The following ZNF385B variants were observed in gnomAD, a reference collection of about 807,000 sequenced individuals.
ZNF385B encodes zinc finger protein 385B.
ZNF385B carries 23 observed loss-of-function variants against 39.2 expected under a neutral mutation model. The ratio of observed to expected loss-of-function variants is 0.59; its 90% CI spans 0.42 to 0.83. The LOEUF (loss-of-function observed/expected upper bound fraction) is 0.83, where lower values mean the gene tolerates loss of function less well. Ranked by LOEUF, ZNF385B falls within the 40% of genes least tolerant of loss-of-function variation. ZNF385B has a pLI of 0.00. For missense variants in ZNF385B, 552 were observed against 598.9 expected (o/e 0.92, Z 0.82); for synonymous variants, 205 against 222.6 (o/e 0.92, Z 0.70).
chr2:179,856,877 T>C (rs1684648187), intron 1 of ZNF385B, among the ~76,000 whole-genome samples: 1 of 152,040 alleles, frequency 6.6e-6, no homozygotes, highest in African/African-American at 2.4e-5. Flanking sequence ...AAATAGAAAA[T>C]AATATTGAAG....
intron 4 of ZNF385B, among the ~76,000 whole-genome samples, chr2:179,537,069 G>A (rs1307560861): frequency 6.6e-6 from 1 of 151,700 alleles, no homozygotes; most frequent in Non-Finnish European, 1.5e-5. Context: ...CTAGCACTTT[G>A]GGAGGCTGAG....
At chr2:179,752,258 G>A (rs935829927) in intron 3 of ZNF385B, among the ~76,000 whole-genome samples, 8 of 152,102 alleles carry the variant, frequency 5.3e-5, no homozygotes, top group Non-Finnish European at 1.2e-4. Flanking sequence ...TTCAAAGGAC[G>A]TGAACTCATC....
intron 1 of ZNF385B, among the ~76,000 whole-genome samples, chr2:179,792,375 C>CTTTTTTTTTTTTTTTTTTTT (rs374147864): frequency 1.6e-5 from 2 of 124,122 alleles, no homozygotes; most frequent in African/African-American, 3.1e-5. Flanking sequence ...ATTTTCTTTT[C>CTTTTTTTTTTTTTTTTTTTT]TTTTTTTTTT....
chr2:179,766,937 C>T (rs931341477), intron 3 of ZNF385B, among the ~76,000 whole-genome samples: 3 of 151,244 alleles, frequency 2.0e-5, no homozygotes, highest in Non-Finnish European at 4.4e-5. Flanking sequence ...GAAAGAAAAG[C>T]CCCCCGCAGT....
At chr2:179,794,851 G>A (rs983148558) in intron 1 of ZNF385B, among the ~76,000 whole-genome samples, 1 of 152,088 alleles carries the variant, frequency 6.6e-6, no homozygotes, top group African/African-American at 2.4e-5. Flanking sequence ...GAAGAAATTG[G>A]TCCTTAAACA....
chr2:179,485,289 C>A (rs1406610173), intron 5 of ZNF385B, among the ~76,000 whole-genome samples: 1 of 152,136 alleles, frequency 6.6e-6, no homozygotes, highest in Non-Finnish European at 1.5e-5. Context: ...CCTCCTTCTG[C>A]CCTTTGCTTA....
At chr2:179,825,780 C>T (rs956219419) in intron 1 of ZNF385B, among the ~76,000 whole-genome samples, 7 of 152,092 alleles carry the variant, frequency 4.6e-5, no homozygotes, top group Non-Finnish European at 7.4e-5. Context: ...TGAAATAGGA[C>T]GCCATTTTCA....
chr2:179,750,699 C>T (rs898105117), intron 3 of ZNF385B, among the ~76,000 whole-genome samples: 20 of 151,996 alleles, frequency 1.3e-4, no homozygotes, highest in Non-Finnish European at 2.2e-4. Context: ...TTCTATGAAA[C>T]GAGTTTTCTG....
chr2:179,742,206 C>A (rs1380028639), intron 3 of ZNF385B, among the ~76,000 whole-genome samples: 1 of 151,972 alleles, frequency 6.6e-6, no homozygotes, highest in African/African-American at 2.4e-5. Context: ...TATTTCTTGA[C>A]ACCATTTTAA....
At chr2:179,850,834 C>A (rs1284933334) in intron 1 of ZNF385B, among the ~76,000 whole-genome samples, 1 of 152,132 alleles carries the variant, frequency 6.6e-6, no homozygotes, top group Non-Finnish European at 1.5e-5. Flanking sequence ...GTGGTATGAC[C>A]TTTCCAATTA....
chr2:179,501,739 C>T (rs34822738), intron 5 of ZNF385B, among the ~76,000 whole-genome samples: 38,474 of 151,964 alleles, frequency 0.25, 5,462 homozygotes, highest in East Asian at 0.51. Context: ...AAAGTATAAT[C>T]GTATTGTTTG....
intron 5 of ZNF385B, among the ~76,000 whole-genome samples, chr2:179,488,127 T>C (rs916792532): frequency 2.0e-5 from 3 of 152,200 alleles, no homozygotes; most frequent in African/African-American, 7.2e-5. Flanking sequence ...TTTCTGATTT[T>C]TACCTTACTT....
intron 3 of ZNF385B, among the ~76,000 whole-genome samples, chr2:179,623,672 C>T (rs1690413990): frequency 6.6e-6 from 1 of 152,104 alleles, no homozygotes; most frequent in South Asian, 2.1e-4. Flanking sequence ...CTGCTCTTAC[C>T]AGATGGGTTT....
intron 1 of ZNF385B, among the ~76,000 whole-genome samples, chr2:179,860,059 C>T (rs1684916607): frequency 6.6e-6 from 1 of 152,200 alleles, no homozygotes; most frequent in Non-Finnish European, 1.5e-5. Context: ...AGGCTAGGCC[C>T]TATAACAGAA....
At chr2:179,487,892 A>G (rs896279605) in intron 5 of ZNF385B, among the ~76,000 whole-genome samples, 9 of 152,212 alleles carry the variant, frequency 5.9e-5, no homozygotes, top group Non-Finnish European at 1.5e-5. Flanking sequence ...CCACTCTGGT[A>G]ATTACCTGAC....
chr2:179,521,841 A>G (rs1409976456), intron 4 of ZNF385B, among the ~76,000 whole-genome samples: 1 of 152,096 alleles, frequency 6.6e-6, no homozygotes, highest in East Asian at 1.9e-4. Flanking sequence ...ACTTATCACT[A>G]ATTGTATCAA....
At chr2:179,460,340 A>T (rs1264644428) in intron 6 of ZNF385B, among the ~76,000 whole-genome samples, 1 of 151,746 alleles carries the variant, frequency 6.6e-6, no homozygotes. Context: ...GGCCAAGCTA[A>T]CCATGGCAGG....
intron 6 of ZNF385B, among the ~76,000 whole-genome samples, chr2:179,480,152 G>A (rs540320404): frequency 1.3e-5 from 2 of 152,232 alleles, no homozygotes; most frequent in Non-Finnish European, 2.9e-5. Context: ...AAATATCTGA[G>A]AATCACAGAT....
At chr2:179,829,672 C>T (rs942494436) in intron 1 of ZNF385B, among the ~76,000 whole-genome samples, 4 of 152,142 alleles carry the variant, frequency 2.6e-5, no homozygotes, top group Non-Finnish European at 5.9e-5. Context: ...CGCCACCATG[C>T]CCGGCCAATT....
Sources: gnomAD v4.1 joint callset for allele counts (sites outside exome capture counted in the v4.1 genomes callset) on GRCh38, gnomAD v4.1.1 for gene constraint, MANE v1.5 for transcripts, NCBI Gene and HGNC (gene_info 2026-07-23, HGNC 2026-07-21) for gene names.